TNKS: variants seen among roughly 807,000 people sequenced by gnomAD.
TNKS encodes tankyrase.
In TNKS, 72 loss-of-function variants were observed where a neutral mutation model predicts 135.8. The observed-to-expected ratio is 0.53, with a 90% CI of 0.44 to 0.64. The LOEUF (loss-of-function observed/expected upper bound fraction) is 0.64, where lower values mean the gene tolerates loss of function less well. Ranked by LOEUF, TNKS falls within the 30% of genes least tolerant of loss-of-function variation. TNKS has a pLI of 0.00. For synonymous variants in TNKS, 849 were observed against 649.3 expected (o/e 1.31, Z -4.68); for missense variants, 1,769 against 1,674.0 (o/e 1.06, Z -0.99).
Position 9,706,195 on chromosome 8 carries a change from T to G in TNKS, c.1211T>G (p.Val404Gly). 6.4e-7 allele frequency: 1 copy of G among 1,571,896 alleles called. No individual in the cohort carries two copies. The highest frequency in any genetic ancestry group is 8.6e-7 in the Non-Finnish European group (1 of 1,164,196). Residue 404 changes from valine (V) to glycine (G), a missense_variant, in exon 7 of 27, where the codon GTG becomes GGG. Val to Gly is a moderately radical substitution (Grantham distance 109). Transcript: ENST00000310430. ...DVHAKDKGGL[V>G]PLHNACSYGH... ...TGCCTCTTTTCATTTAGTGGACTTG[T>G]GCCTCTTCATAATGCATGTTCATAT...
intron 5 of TNKS, among the ~76,000 whole-genome samples, chr8:9,694,429 G>A (rs974804101): frequency 2.0e-5 from 3 of 152,166 alleles, no homozygotes; most frequent in East Asian, 1.9e-4. Context: ...GTAAAAGATC[G>A]TGGCAAGTGT....
intron 8 of TNKS, 132 bp downstream of exon 8, chr8:9,707,129 A>G (rs1804086426): frequency 1.3e-6 from 1 of 777,470 alleles, no homozygotes; most frequent in African/African-American, 1.8e-5. Context: ...TTCTAATTGT[A>G]TACTTTTCTT....
At chr8:9,717,072 A>ATATTTATATATATAT (rs376229840) in intron 11 of TNKS, among the ~76,000 whole-genome samples, 1 of 79,460 alleles carries the variant, frequency 1.3e-5, no homozygotes, top group Non-Finnish European at 2.5e-5. Context: ...GTTGTATTAT[A>ATATTTATATATATAT]ATATATATAT....
At chr8:9,773,743 T>TA (rs886366765) in intron 26 of TNKS, among the ~76,000 whole-genome samples, 30 of 151,988 alleles carry the variant, frequency 2.0e-4, no homozygotes, top group Non-Finnish European at 4.1e-4. Flanking sequence ...AATGCCTAAA[T>TA]AAAAAAATGC....
chr8:9,618,513 C>G (rs937410389), intron 3 of TNKS, among the ~76,000 whole-genome samples: 1 of 152,136 alleles, frequency 6.6e-6, no homozygotes, highest in African/African-American at 2.4e-5. Context: ...TGTTTTTCTG[C>G]TAATGACTGA....
intron 1 of TNKS, among the ~76,000 whole-genome samples, chr8:9,574,626 A>C (rs1310518986): frequency 6.6e-6 from 1 of 152,316 alleles, no homozygotes; most frequent in South Asian, 2.1e-4. Context: ...TTGACTTACA[A>C]AGTTGTGACA....
At chr8:9,720,237 A>G in intron 11 of TNKS, 137 bp from the exon 12 acceptor site, 1 of 789,138 alleles carries the variant, frequency 1.3e-6, no homozygotes, top group Non-Finnish European at 1.8e-6. Context: ...AGTGAGCAAA[A>G]GTTTATAATC....
chr8:9,595,622 G>C (rs547709836), intron 2 of TNKS, among the ~76,000 whole-genome samples: 1 of 152,078 alleles, frequency 6.6e-6, no homozygotes, highest in South Asian at 2.1e-4. Context: ...CCGTATGGAA[G>C]CTTTCACTCT....
intron 2 of TNKS, among the ~76,000 whole-genome samples, chr8:9,613,728 A>G (rs1799542667): frequency 1.3e-5 from 2 of 152,232 alleles, no homozygotes; most frequent in South Asian, 4.1e-4. Flanking sequence ...CAACAAAACT[A>G]CAACTAAACT....
chr8:9,580,846 A>G lies in TNKS; in HGVS notation c.898+463A>G, dbSNP rs562855349. ...CAGTAGTTCAGAACTTAATCGTTTC[A>G]ATATGTGCCATAGTCTAGAGAAAAA... On this transcript the variant is annotated intron_variant, in intron 2 of 26. Coordinates refer to ENST00000310430, the MANE Select transcript of TNKS (RefSeq NM_003747.3). Among the ~76,000 whole-genome samples, 163 of 152,288 alleles carry G rather than the reference A, an allele frequency of 1.1e-3. 2 individuals carry two copies. Among genetic ancestry groups the G allele is most frequent in the African/African-American group, 1.5e-3 (63 of 41,560 alleles).
chr8:9,651,866 C>G lies in TNKS; in HGVS notation c.995-28085C>G, dbSNP rs190603759. Reference sequence around the variant, plus strand: ...ATCCTAGGTTAATTTTTTAATTTATCCCAAACTTCATACTTCAAAATACTA... The same window carrying G: ...ATCCTAGGTTAATTTTTTAATTTATGCCAAACTTCATACTTCAAAATACTA... On this transcript the variant is annotated intron_variant, in intron 3 of 26. Coordinates refer to ENST00000310430, the MANE Select transcript of TNKS (RefSeq NM_003747.3). Among the ~76,000 whole-genome samples the G allele has an allele frequency of 1.1e-3, 173 of 152,228 alleles. 1 individual carries two copies. Among genetic ancestry groups the G allele is most frequent in the African/African-American group, 4.0e-3 (165 of 41,528 alleles).
intron 3 of TNKS, chr8:9,679,627 G>C (rs936614797): frequency 1.0e-4 from 27 of 257,296 alleles, no homozygotes; most frequent in Non-Finnish European, 2.0e-4. Context: ...ATAGAGAAAA[G>C]GGGGGAGGGG....
At chr8:9,663,463 A>C (rs1004095990) in intron 3 of TNKS, among the ~76,000 whole-genome samples, 2 of 152,152 alleles carry the variant, frequency 1.3e-5, no homozygotes, top group East Asian at 3.9e-4. Flanking sequence ...AAAATTTGCA[A>C]GTTTTTCCTA....
chr8:9,633,121 C>G (rs1386592751), intron 3 of TNKS, among the ~76,000 whole-genome samples: 2 of 152,132 alleles, frequency 1.3e-5, no homozygotes, highest in South Asian at 4.1e-4. Flanking sequence ...TGAAGAAATG[C>G]ATGGTGAAAG....
At chr8:9,762,496 G>C (rs1407213278) in intron 21 of TNKS, among the ~76,000 whole-genome samples, 2 of 128,642 alleles carry the variant, frequency 1.6e-5, no homozygotes, top group Non-Finnish European at 3.3e-5. Context: ...TGATGTCAGT[G>C]CCTGTTTTTC....
intron 17 of TNKS, among the ~76,000 whole-genome samples, chr8:9,745,246 C>G (rs1181343005): frequency 6.6e-6 from 1 of 152,144 alleles, no homozygotes; most frequent in East Asian, 1.9e-4. Context: ...AGTGGTACCT[C>G]TGTTTTCATC....
chr8:9,721,029 C>G (rs927320511), intron 12 of TNKS, among the ~76,000 whole-genome samples: 10 of 151,938 alleles, frequency 6.6e-5, no homozygotes, highest in Non-Finnish European at 2.9e-5. Flanking sequence ...CTCCTGTAAT[C>G]CCAATACTTT....
chr8:9,690,283 G>T (rs1260551906), intron 5 of TNKS, among the ~76,000 whole-genome samples: 2 of 152,118 alleles, frequency 1.3e-5, no homozygotes, highest in East Asian at 3.8e-4. Context: ...AAATCCCCTT[G>T]AAGATTCCAC....
At chr8:9,690,575 C>T (rs1803218402) in intron 5 of TNKS, among the ~76,000 whole-genome samples, 1 of 152,118 alleles carries the variant, frequency 6.6e-6, no homozygotes, top group South Asian at 2.1e-4. Context: ...GCCTGGCCAA[C>T]ATGGTAAAAC....
Sources: gnomAD v4.1 joint callset for allele counts (sites outside exome capture counted in the v4.1 genomes callset) on GRCh38, gnomAD v4.1.1 for gene constraint, MANE v1.5 for transcripts, NCBI Gene and HGNC (gene_info 2026-07-23, HGNC 2026-07-21) for gene names.